ARMC3: variants seen among roughly 807,000 people sequenced by gnomAD.
The protein encoded by ARMC3 is armadillo repeat-containing protein 3.
A neutral mutation model predicts 90.3 loss-of-function variants in ARMC3; 74 were observed. That is an observed-to-expected ratio of 0.82 (90% CI 0.68 to 0.99). The LOEUF is 0.99. Ranked by LOEUF, ARMC3 falls within the 50% of genes least tolerant of loss-of-function variation. ARMC3 has a pLI of 0.00. For synonymous variants in ARMC3, 334 were observed against 361.8 expected (o/e 0.92, Z 0.87); for missense variants, 958 against 1,042.8 (o/e 0.92, Z 1.12).
chr10:22,938,612 C>T (rs1834204514), intron 2 of ARMC3, among the ~76,000 whole-genome samples: 4 of 151,926 alleles, frequency 2.6e-5, no homozygotes, highest in African/African-American at 7.3e-5. Context: ...CTCTGAAGGT[C>T]GAGCTGGCAG....
intron 10 of ARMC3, among the ~76,000 whole-genome samples, chr10:22,991,190 A>G (rs1487557087): frequency 6.6e-6 from 1 of 152,240 alleles, no homozygotes; most frequent in Non-Finnish European, 1.5e-5. Flanking sequence ...GTCTCTGTTG[A>G]TTAACTTACC....
chr10:22,994,815 CT>C (rs1281450317), intron 10 of ARMC3, among the ~76,000 whole-genome samples: 1 of 152,180 alleles, frequency 6.6e-6, no homozygotes, highest in Non-Finnish European at 1.5e-5. Flanking sequence ...ATAGTCAGGA[CT>C]TGCTAATAGA....
At chr10:23,000,896 A>C (rs1007114132) in intron 11 of ARMC3, among the ~76,000 whole-genome samples, 3 of 152,226 alleles carry the variant, frequency 2.0e-5, no homozygotes, top group Admixed American at 6.5e-5. Flanking sequence ...CATTTCAGAC[A>C]TGAGACAAGA....
chr10:22,961,925 A>T lies in ARMC3; in HGVS notation c.579A>T (p.Ile193=). The change falls in exon 7 of 19, where the codon ATA becomes ATT. Residue 193 remains isoleucine (I), a synonymous_variant. Coordinates refer to ENST00000298032, the MANE Select transcript of ARMC3 (RefSeq NM_173081.5). The stretch of plus-strand genomic sequence containing the variant: ...CTAAACTTCAAGAACTAAATGCAAT[A>T]CCTCCTATCTTAGATCTCTTGAAGT... The part of the protein sequence containing the change: ...CRAKLQELNA[I]PPILDLLKSE... 6.2e-7 allele frequency: 1 copy of T among 1,609,984 alleles called. No individual in the cohort carries two copies. The highest frequency in any genetic ancestry group is 1.1e-5 in the South Asian group (1 of 90,126).
At chr10:23,035,616 T>C (rs1013621222) in intron 18 of ARMC3, among the ~76,000 whole-genome samples, 2 of 152,066 alleles carry the variant, frequency 1.3e-5, no homozygotes, top group Non-Finnish European at 2.9e-5. Context: ...CTAGGCAGGA[T>C]AGACAAATAT....
chr10:23,036,378 T>C (rs1048063318), intron 18 of ARMC3, among the ~76,000 whole-genome samples: 1 of 152,206 alleles, frequency 6.6e-6, no homozygotes, highest in African/African-American at 2.4e-5. Context: ...TAAATTAATA[T>C]ATACATATAC....
At chr10:22,937,166 G>A (rs141947878) in intron 2 of ARMC3, among the ~76,000 whole-genome samples, 19 of 152,284 alleles carry the variant, frequency 1.2e-4, no homozygotes, top group African/African-American at 4.6e-4. Flanking sequence ...GCCTCCCAAA[G>A]TGCTGTGATT....
chr10:22,962,087 T>C lies in ARMC3; in HGVS notation c.732+9T>C. 6.6e-7 allele frequency: 1 copy of C among 1,522,276 alleles called. No homozygotes were observed. Among genetic ancestry groups the C allele is most frequent in the Non-Finnish European group, 8.8e-7 (1 of 1,131,710 alleles). The allele number at this position is 1,522,276 out of a possible 1,614,324, so 94.3% of individuals were successfully genotyped here. A position where few individuals can be genotyped will look rare whatever the true frequency, so the allele number is the denominator to read the frequency against. Reference sequence around the variant, plus strand: ...AGATCCTAGAAACTAAGGTATTTAGTTTCATTCATTCCACCCTCTATGAGG... The same window carrying C: ...AGATCCTAGAAACTAAGGTATTTAGCTTCATTCATTCCACCCTCTATGAGG... On this transcript the variant is annotated intron_variant, in intron 7 of 18. Transcript: ENST00000298032.
rs1837086361 is a variant in ARMC3 at position 22,998,174 on chromosome 10, A to G, written c.1202A>G (p.Asp401Gly). 6.2e-7 allele frequency: 1 copy of G among 1,613,960 alleles called. No homozygotes were observed. Among genetic ancestry groups the G allele is most frequent in the Non-Finnish European group, 8.5e-7 (1 of 1,179,948 alleles). Residue 401 changes from aspartate (D) to glycine (G), a missense_variant, in exon 11 of 19, where the codon GAT becomes GGT. Asp to Gly is a moderately conservative substitution (Grantham distance 94). Coordinates refer to ENST00000298032, the MANE Select transcript of ARMC3 (RefSeq NM_173081.5). ...ANAAAEADGIDPLINLLSSKR... is the reference protein window; with the variant it reads ...ANAAAEADGIGPLINLLSSKR... ...GCTGCTGCTGAAGCTGATGGTATTG[A>G]TCCATTAATAAACCTCCTGTCTAGT...
At chr10:22,980,193 T>C (rs1345663624) in intron 8 of ARMC3, among the ~76,000 whole-genome samples, 3 of 152,118 alleles carry the variant, frequency 2.0e-5, no homozygotes, top group Admixed American at 1.3e-4. Context: ...ATTATCAGCA[T>C]TTTTTTGCAA....
chr10:22,987,757 C>A (rs1836517214), intron 10 of ARMC3, among the ~76,000 whole-genome samples: 1 of 152,164 alleles, frequency 6.6e-6, no homozygotes, highest in Non-Finnish European at 1.5e-5. Context: ...ATCTTAGAGA[C>A]CCTTTTATTA....
Position 23,032,921 on chromosome 10 carries a change from G to C in ARMC3, c.2307G>C (p.Trp769Cys). Residue 769 changes from tryptophan (W) to cysteine (C), a missense_variant, in exon 18 of 19, where the codon TGG becomes TGC. By Grantham distance (215) the Trp-to-Cys change is radical. Coordinates refer to ENST00000298032, the MANE Select transcript of ARMC3 (RefSeq NM_173081.5). ...IPKEKLPDFS[W>C]ELHISELKFQ... ...AAGAGAAACTACCTGATTTCAGCTG[G>C]GAACTTCACATAAGTGAACTGAAAT... 1 of 1,612,946 alleles carries C rather than the reference G, an allele frequency of 6.2e-7. No individual in the cohort carries two copies. The highest frequency in any genetic ancestry group is 8.5e-7 in the Non-Finnish European group (1 of 1,179,422).
chr10:22,946,288 C>G (rs1345533411), intron 3 of ARMC3, 27 bp downstream of exon 3: 1 of 1,460,286 alleles, frequency 6.8e-7, no homozygotes, highest in African/African-American at 1.4e-5. Context: ...GTTTATCTTT[C>G]TGTTTCATTA....
chr10:22,970,784 G>A (rs1049747005), intron 8 of ARMC3, among the ~76,000 whole-genome samples: 1 of 152,200 alleles, frequency 6.6e-6, no homozygotes, highest in East Asian at 1.9e-4. Context: ...TTCTGGCTTA[G>A]ACAGCTAGAA....
intron 1 of ARMC3, among the ~76,000 whole-genome samples, chr10:22,929,082 C>T (rs947433573): frequency 3.3e-5 from 5 of 151,804 alleles, no homozygotes; most frequent in Admixed American, 6.6e-5. Flanking sequence ...AAAAATTAGC[C>T]GAGCGTGGTG....
In ARMC3 at chr10:22,959,922, T is replaced by C. The variant is rs1835121096; in HGVS notation, c.537+348T>C. The C allele has an allele frequency of 4.8e-5, 22 of 455,032 alleles. 1 individual carries two copies. The highest frequency in any genetic ancestry group is 3.4e-4 in the South Asian group (21 of 62,106). 28.2% of individuals were successfully genotyped at this position (455,032 alleles called of 1,614,324 possible). On this transcript the variant is annotated intron_variant, in intron 6 of 18. Coordinates refer to ENST00000298032, the MANE Select transcript of ARMC3 (RefSeq NM_173081.5). Reference sequence around the variant, plus strand: ...ACTGAACCCTGGTGGTCTAAGCACATTGGATGTAATATATACCCTATTCAA... The same window carrying C: ...ACTGAACCCTGGTGGTCTAAGCACACTGGATGTAATATATACCCTATTCAA...
At chr10:23,007,487 A>C (rs966142393) in intron 14 of ARMC3, among the ~76,000 whole-genome samples, 3 of 152,160 alleles carry the variant, frequency 2.0e-5, no homozygotes, top group African/African-American at 4.8e-5. Context: ...CGGGCAGATC[A>C]CGAGGTCAAG....
At chr10:22,970,892 G>T (rs1056632688) in intron 8 of ARMC3, among the ~76,000 whole-genome samples, 12 of 152,120 alleles carry the variant, frequency 7.9e-5, no homozygotes, top group Non-Finnish European at 1.6e-4. Context: ...TTAAATTGTG[G>T]TGAAATACAA....
At chr10:22,974,427 T>C (rs558180237) in intron 8 of ARMC3, among the ~76,000 whole-genome samples, 19 of 152,202 alleles carry the variant, frequency 1.2e-4, no homozygotes, top group Admixed American at 3.9e-4. Flanking sequence ...TCTGACATCA[T>C]GTTTTATGTT....
Sources: gnomAD v4.1 joint callset for allele counts (sites outside exome capture counted in the v4.1 genomes callset) on GRCh38, gnomAD v4.1.1 for gene constraint, MANE v1.5 for transcripts, NCBI Gene and HGNC (gene_info 2026-07-23, HGNC 2026-07-21) for gene names.